PREX2: variants seen among roughly 807,000 people sequenced by gnomAD.
PREX2 encodes phosphatidylinositol 3,4,5-trisphosphate-dependent Rac exchanger 2 protein.
A neutral mutation model predicts 203.2 loss-of-function variants in PREX2; 107 were observed. The observed-to-expected ratio is 0.53, with a 90% confidence interval of 0.45 to 0.62. The LOEUF is 0.62. Among genes scored for constraint, PREX2 ranks in the 20% least tolerant of loss-of-function variants. The pLI is 0.00. For synonymous variants in PREX2, 672 were observed against 663.6 expected (o/e 1.01, Z -0.19); for missense variants, 1,777 against 1,955.9 (o/e 0.91, Z 1.72).
At chr8:68,185,322 TTC>T (rs371597088) in intron 35 of PREX2, among the ~76,000 whole-genome samples, 3 of 151,296 alleles carry the variant, frequency 2.0e-5, no homozygotes, top group Non-Finnish European at 3.0e-5. Flanking sequence ...TTAGCCAGCC[TTC>T]TCTCTCTCTC....
chr8:68,182,168 A>G (rs1460350904), intron 35 of PREX2, among the ~76,000 whole-genome samples: 2 of 152,150 alleles, frequency 1.3e-5, no homozygotes, highest in South Asian at 4.1e-4. Context: ...CTAGTGCAAA[A>G]GTATATAAGC....
At chr8:68,209,884 C>T (rs1812711887) in intron 37 of PREX2, among the ~76,000 whole-genome samples, 1 of 152,178 alleles carries the variant, frequency 6.6e-6, no homozygotes, top group Non-Finnish European at 1.5e-5. Flanking sequence ...AAAACCCTGA[C>T]ATATGCCTGT....
At position 68,235,794 on chromosome 8, in the gene PREX2, T is replaced by C. The variant is rs1490564642; in HGVS notation, c.*4416T>C. 6.6e-6 allele frequency: 1 copy of C among 152,156 alleles called. No individual in the cohort carries two copies. 9.4% of individuals were successfully genotyped at this position (152,156 alleles called of 1,614,324 possible). A position where few individuals can be genotyped will look rare whatever the true frequency, so the allele number is the denominator to read the frequency against. On this transcript the variant is annotated 3_prime_UTR_variant, in exon 40 of 40. Coordinates refer to ENST00000288368, the MANE Select transcript of PREX2 (RefSeq NM_024870.4). ...TGTTACTGCTTCAAAGGCTTGGCATTAACAGTGATGTCAGCATTCATACTG... is the reference window on the plus strand; with the variant it reads ...TGTTACTGCTTCAAAGGCTTGGCATCAACAGTGATGTCAGCATTCATACTG...
Position 68,108,111 on chromosome 8 carries a change from T to G in PREX2, c.2718T>G (p.Phe906Leu). ...TTTATGTTTTCTTTAATTTGCAGTTTTCTCGTGTACTGAAGAATAGGGCCT... is the reference window on the plus strand; with the variant it reads ...TTTATGTTTTCTTTAATTTGCAGTTGTCTCGTGTACTGAAGAATAGGGCCT... Reference protein sequence around the residue: ...LCQRISSYKKFSRVLKNRAWP... With the variant: ...LCQRISSYKKLSRVLKNRAWP... The change falls in exon 24 of 40, where the codon TTT (phenylalanine) becomes TTG (leucine). Residue 906 changes from phenylalanine to leucine, a missense_variant and splice_region_variant. Coordinates refer to ENST00000288368, the MANE Select transcript of PREX2 (RefSeq NM_024870.4). 6.2e-7 allele frequency: 1 copy of G among 1,602,468 alleles called. No individual in the cohort carries two copies. Among genetic ancestry groups the G allele is most frequent in the South Asian group, 1.1e-5 (1 of 88,476 alleles).
intron 36 of PREX2, 25 bp downstream of exon 36, chr8:68,191,813 T>C (rs1373724107): frequency 2.1e-6 from 3 of 1,453,660 alleles, no homozygotes; most frequent in Non-Finnish European, 2.9e-6. Flanking sequence ...TTATATTTAT[T>C]GGTGCTTTTT....
At chr8:68,056,608 G>C (rs532155913) in intron 10 of PREX2, among the ~76,000 whole-genome samples, 37 of 94,328 alleles carry the variant, frequency 3.9e-4, no homozygotes, top group African/African-American at 2.9e-3. Context: ...CTGCCTTCAG[G>C]TAGCTCTTTT....
chr8:67,966,531 G>A (rs1805783248), intron 1 of PREX2, among the ~76,000 whole-genome samples: 1 of 151,976 alleles, frequency 6.6e-6, no homozygotes, highest in Non-Finnish European at 1.5e-5. Context: ...GAAGGCTGAA[G>A]TGGGAGCATC....
In PREX2 at chr8:67,952,260, A is replaced by G; in HGVS notation, c.-135A>G. 1 of 694,642 alleles carries G rather than the reference A, an allele frequency of 1.4e-6. No homozygotes were observed. 43.0% of individuals were successfully genotyped at this position (694,642 alleles called of 1,614,324 possible). On this transcript the variant is annotated 5_prime_UTR_variant, in exon 1 of 40. An upstream open reading frame in the 5' UTR loses its in-frame stop. Coordinates refer to ENST00000288368, the MANE Select transcript of PREX2 (RefSeq NM_024870.4). ...TGCGCCCAGCCTCTCCCCAGCATGT[A>G]AAGTCTTCTGTCTCTCCTCGGAGTT...
intron 31 of PREX2, among the ~76,000 whole-genome samples, chr8:68,128,399 A>G (rs1004238844): frequency 1.3e-5 from 2 of 152,120 alleles, no homozygotes; most frequent in African/African-American, 4.8e-5. Context: ...TTCTGGCATA[A>G]AACAATGACC....
chr8:68,229,174 C>G (rs1813118100), intron 39 of PREX2, among the ~76,000 whole-genome samples: 1 of 146,916 alleles, frequency 6.8e-6, no homozygotes, highest in South Asian at 2.4e-4. Context: ...CCATCTATAG[C>G]ATGAAGTTGG....
intron 1 of PREX2, among the ~76,000 whole-genome samples, chr8:67,957,060 CTATAAGTAGTTACTGTTATTTTGCT>C (rs1326104772): frequency 1.2e-4 from 19 of 152,274 alleles, no homozygotes; most frequent in African/African-American, 4.6e-4. Flanking sequence ...TAAGAGGGTC[CTATAAGTAGTTACTGTTATTTTGCT>C]GATGCTACAG....
intron 37 of PREX2, among the ~76,000 whole-genome samples, chr8:68,207,496 G>A (rs1190573135): frequency 6.6e-6 from 1 of 152,110 alleles, no homozygotes; most frequent in Non-Finnish European, 1.5e-5. Context: ...TGTATTGAAT[G>A]CTTACTGAGT....
intron 1 of PREX2, among the ~76,000 whole-genome samples, chr8:67,973,454 A>G (rs1462742935): frequency 1.3e-5 from 2 of 152,096 alleles, no homozygotes; most frequent in African/African-American, 2.4e-5. Context: ...TTCTGCCTCT[A>G]CTTATGTATG....
chr8:67,976,539 CGGGAGAGAGACAGAGAGAGAGAGACAG>C lies in PREX2; in HGVS notation c.141+24005_141+24031del, dbSNP rs1806099794. 5.0e-5 allele frequency among the ~76,000 whole-genome samples: 2 copies of C among 40,314 alleles called. 1 individual carries two copies. Among genetic ancestry groups the C allele is most frequent in the South Asian group, 2.5e-3 (2 of 790 alleles). 26.4% of individuals were successfully genotyped at this position (40,314 alleles called of 152,430 possible). ...AGAGACAGAGACAGAGAGAGAGAGA[CGGGAGAGAGACAGAGAGAGAGAGACAG>C]AGACAGAGACAGAGAGAGAGATGGG... On this transcript the variant is annotated intron_variant, in intron 1 of 39. Transcript: ENST00000288368.
At chr8:68,115,627 T>C in intron 25 of PREX2, 126 bp from the exon 26 acceptor site, 1 of 589,120 alleles carries the variant, frequency 1.7e-6, no homozygotes, top group Non-Finnish European at 2.8e-6. Context: ...CAATAGAATA[T>C]TTACTTGATA....
In PREX2 at chr8:68,030,562, C is replaced by T. The variant is rs1052618744; in HGVS notation, c.609C>T (p.Ala203=). 4 of 1,613,560 alleles carry T rather than the reference C, an allele frequency of 2.5e-6. No individual in the cohort carries two copies. The highest frequency in any genetic ancestry group is 3.4e-6 in the Non-Finnish European group (4 of 1,179,718). The change falls in exon 6 of 40, where the codon GCC becomes GCT. Residue 203 remains alanine, a synonymous_variant. Coordinates refer to ENST00000288368, the MANE Select transcript of PREX2 (RefSeq NM_024870.4). ...DYAAVMEALQ[A]MKAVCSNINE... is the part of the protein sequence containing the mutation. The stretch of plus-strand genomic sequence containing the variant: ...CAGCAGTGATGGAAGCCCTCCAAGC[C>T]ATGAAAGCTGTCTGTTCCAACATAA...
At chr8:68,211,803 G>A (rs1812747590) in intron 37 of PREX2, among the ~76,000 whole-genome samples, 1 of 152,162 alleles carries the variant, frequency 6.6e-6, no homozygotes. Flanking sequence ...GAAGTTGTGG[G>A]TTGTGGGGAG....
intron 28 of PREX2, 133 bp from the exon 29 acceptor site, chr8:68,120,063 C>A (rs1054620433): frequency 1.8e-6 from 1 of 546,540 alleles, no homozygotes; most frequent in Non-Finnish European, 3.2e-6. Context: ...ATGTAAAGAT[C>A]GATTTCACAA....
intron 1 of PREX2, among the ~76,000 whole-genome samples, chr8:67,980,688 C>T (rs753368103): frequency 7.9e-5 from 12 of 152,132 alleles, no homozygotes; most frequent in Non-Finnish European, 1.5e-4. Context: ...GGGGGTGGTT[C>T]CCCCATACTG....
Sources: allele counts gnomAD v4.1 joint callset (sites outside exome capture counted in the v4.1 genomes callset), GRCh38; gene constraint gnomAD v4.1.1; transcripts MANE v1.5; gene names NCBI Gene and HGNC (gene_info 2026-07-23, HGNC 2026-07-21).